EHBP1: variants seen among roughly 807,000 people sequenced by gnomAD.
EHBP1 encodes the protein EH domain binding protein 1.
Under a neutral mutation model 144.0 loss-of-function variants are expected in EHBP1, and 55 were observed. The ratio of observed to expected loss-of-function variants is 0.38; its 90% CI spans 0.31 to 0.48. The LOEUF is 0.48. Ranked by LOEUF, EHBP1 falls within the 20% of genes least tolerant of loss-of-function variation. The probability of loss-of-function intolerance (pLI) is 0.98; values close to 1 mark genes in which losing one functional copy is unlikely to be tolerated. For synonymous variants in EHBP1, 469 were observed against 472.7 expected (o/e 0.99, Z 0.10); for missense variants, 1,200 against 1,364.2 (o/e 0.88, Z 1.90).
chr2:63,014,147 A>G (rs1470323074), intron 19 of EHBP1, among the ~76,000 whole-genome samples: 3 of 152,228 alleles, frequency 2.0e-5, no homozygotes, highest in African/African-American at 7.2e-5. Flanking sequence ...TCATCATTGC[A>G]TAGTTTGGAG....
chr2:62,855,310 C>T (rs764939535), intron 7 of EHBP1, among the ~76,000 whole-genome samples: 6 of 152,214 alleles, frequency 3.9e-5, no homozygotes, highest in Non-Finnish European at 7.3e-5. Context: ...CCTGCCACCT[C>T]GGCAGCAGAC....
intron 7 of EHBP1, among the ~76,000 whole-genome samples, chr2:62,833,016 T>A (rs1469461725): frequency 6.6e-6 from 1 of 152,092 alleles, no homozygotes; most frequent in Non-Finnish European, 1.5e-5. Flanking sequence ...TAGAAGGAAA[T>A]TAAAAGTTCT....
intron 3 of EHBP1, among the ~76,000 whole-genome samples, chr2:62,751,991 T>G (rs182162433): frequency 6.6e-6 from 1 of 152,246 alleles, no homozygotes; most frequent in Admixed American, 6.5e-5. Flanking sequence ...CCTTCAGTTC[T>G]TCTCTGATCT....
At chr2:62,867,062 A>G (rs2050099534) in intron 9 of EHBP1, among the ~76,000 whole-genome samples, 1 of 152,166 alleles carries the variant, frequency 6.6e-6, no homozygotes, top group Non-Finnish European at 1.5e-5. Flanking sequence ...ACTACTTGAA[A>G]ATTTGGATTT....
chr2:62,940,998 T>G (rs563464413), intron 10 of EHBP1, among the ~76,000 whole-genome samples: 3 of 152,182 alleles, frequency 2.0e-5, no homozygotes, highest in Admixed American at 1.3e-4. Flanking sequence ...GATAATTGAA[T>G]CGATGTAATG....
At chr2:62,984,854 C>T (rs940093210) in intron 15 of EHBP1, among the ~76,000 whole-genome samples, 4 of 152,294 alleles carry the variant, frequency 2.6e-5, no homozygotes, top group Non-Finnish European at 5.9e-5. Context: ...TAACATCATA[C>T]AGGAACCTAG....
intron 15 of EHBP1, chr2:62,988,102 T>G: frequency 1.1e-6 from 1 of 889,724 alleles, no homozygotes; most frequent in Admixed American, 2.1e-5. Context: ...TATATTTTTA[T>G]TATCTCATCA....
chr2:62,967,698 T>C (rs1254882683), intron 14 of EHBP1, among the ~76,000 whole-genome samples: 1 of 152,100 alleles, frequency 6.6e-6, no homozygotes, highest in Non-Finnish European at 1.5e-5. Flanking sequence ...AAATATAAAA[T>C]GATGAAAAGA....
chr2:62,978,652 C>G (rs1279891216), intron 14 of EHBP1, among the ~76,000 whole-genome samples: 2 of 152,010 alleles, frequency 1.3e-5, no homozygotes, highest in Admixed American at 6.6e-5. Flanking sequence ...TGGGATTATT[C>G]TTGTTGATAG....
chr2:62,916,115 G>A (rs959478371), intron 10 of EHBP1, among the ~76,000 whole-genome samples: 13 of 152,116 alleles, frequency 8.5e-5, no homozygotes, highest in Non-Finnish European at 1.9e-4. Context: ...GAGCCCAGGA[G>A]TTTGAGTCCA....
intron 2 of EHBP1, among the ~76,000 whole-genome samples, chr2:62,736,315 C>T (rs1382467929): frequency 6.7e-6 from 1 of 150,114 alleles, no homozygotes; most frequent in Non-Finnish European, 1.5e-5. Context: ...CAACTTCTGC[C>T]TCCTGGGTTC....
chr2:62,676,361 C>T (rs2033294561), intron 1 of EHBP1, among the ~76,000 whole-genome samples: 1 of 152,192 alleles, frequency 6.6e-6, no homozygotes, highest in Non-Finnish European at 1.5e-5. Context: ...AGTTTCTTGC[C>T]TAGTAACTGC....
intron 9 of EHBP1, among the ~76,000 whole-genome samples, chr2:62,869,500 A>C (rs185155681): frequency 6.6e-6 from 1 of 152,326 alleles, no homozygotes; most frequent in East Asian, 1.9e-4. Flanking sequence ...AGATCATTAT[A>C]CTGAGTGAAA....
At chr2:62,840,483 A>G (rs1424868876) in intron 7 of EHBP1, among the ~76,000 whole-genome samples, 3 of 148,972 alleles carry the variant, frequency 2.0e-5, no homozygotes, top group African/African-American at 4.9e-5. Flanking sequence ...GACAAAATTG[A>G]CAAATGGGAT....
At chr2:62,790,009 A>G (rs1226808721) in intron 5 of EHBP1, among the ~76,000 whole-genome samples, 1 of 152,184 alleles carries the variant, frequency 6.6e-6, no homozygotes, top group Non-Finnish European at 1.5e-5. Context: ...TTGTTTTTCC[A>G]CATCCTCCTA....
intron 19 of EHBP1, among the ~76,000 whole-genome samples, chr2:63,027,969 T>C (rs1188987322): frequency 6.6e-6 from 1 of 152,128 alleles, no homozygotes. Flanking sequence ...CGCTATGTTG[T>C]CCATGCTTGC....
intron 1 of EHBP1, chr2:62,706,493 A>G (rs1410756895): frequency 1.3e-5 from 2 of 152,238 alleles, no homozygotes; most frequent in Non-Finnish European, 2.9e-5. Context: ...ACTTGAGGCT[A>G]TTAATTATCG....
chr2:62,782,561 A>C (rs923981157), intron 5 of EHBP1, among the ~76,000 whole-genome samples: 2 of 152,190 alleles, frequency 1.3e-5, no homozygotes, highest in African/African-American at 4.8e-5. Flanking sequence ...GGGAGGCCTC[A>C]GGAAACTTAC....
intron 10 of EHBP1, among the ~76,000 whole-genome samples, chr2:62,900,703 T>TATATATATATATATATATATATATATA (rs1558881616): frequency 1.8e-4 from 27 of 150,504 alleles, no homozygotes; most frequent in African/African-American, 6.2e-4. Context: ...TATATATATA[T>TATATATATATATATATATATATATATA]TTTCTTTCTC....
Sources: gnomAD v4.1 joint callset for allele counts (sites outside exome capture counted in the v4.1 genomes callset) on GRCh38, gnomAD v4.1.1 for gene constraint, MANE v1.5 for transcripts, NCBI Gene and HGNC (gene_info 2026-07-23, HGNC 2026-07-21) for gene names.